Variants in NECAB1 observed in about 807,000 individuals in gnomAD.
NECAB1 encodes the protein N-terminal EF-hand calcium-binding protein 1.
In NECAB1, 29 loss-of-function variants were observed where a neutral mutation model predicts 57.5. That is an observed-to-expected ratio of 0.50 (90% confidence interval 0.38 to 0.69). The LOEUF is 0.69. Among genes scored for constraint, NECAB1 ranks in the 30% least tolerant of loss-of-function variants. NECAB1 has a pLI of 0.00. For missense variants in NECAB1, 372 were observed against 413.8 expected (o/e 0.90, Z 0.88); for synonymous variants, 142 against 147.7 (o/e 0.96, Z 0.28).
intron 5 of NECAB1, among the ~76,000 whole-genome samples, chr8:90,914,739 CTT>C (rs1480810300): frequency 4.6e-5 from 7 of 152,158 alleles, no homozygotes; most frequent in Admixed American, 1.3e-4. Flanking sequence ...AGTTGTCTGA[CTT>C]TAACTTTTCT....
intron 3 of NECAB1, among the ~76,000 whole-genome samples, chr8:90,837,300 C>G (rs1812384258): frequency 6.6e-6 from 1 of 152,156 alleles, no homozygotes; most frequent in Non-Finnish European, 1.5e-5. Context: ...GCTTAAAACT[C>G]CAGATAGAAC....
At chr8:90,863,864 G>C (rs1808456435) in intron 3 of NECAB1, among the ~76,000 whole-genome samples, 1 of 151,988 alleles carries the variant, frequency 6.6e-6, no homozygotes, top group Admixed American at 6.6e-5. Flanking sequence ...ATTCCATATT[G>C]TGCTAATGTT....
At chr8:90,880,025 A>G (rs941695974) in intron 4 of NECAB1, among the ~76,000 whole-genome samples, 4 of 152,216 alleles carry the variant, frequency 2.6e-5, no homozygotes, top group African/African-American at 9.6e-5. Context: ...ACACTAACTA[A>G]TATATCAGTC....
At chr8:90,837,407 A>G (rs1428314217) in intron 3 of NECAB1, among the ~76,000 whole-genome samples, 3 of 152,224 alleles carry the variant, frequency 2.0e-5, no homozygotes, top group Non-Finnish European at 4.4e-5. Context: ...GTTACCTTGG[A>G]CAAAGGGATG....
rs150381377 is a variant in NECAB1 at position 90,942,710 on chromosome 8, C to T, written c.860+1812C>T. Reference sequence around the variant, plus strand: ...CAGACTGACCAACGTGATGAGACCCCGTCTCTACTAAAAATACAAAAATTA... The same window carrying T: ...CAGACTGACCAACGTGATGAGACCCTGTCTCTACTAAAAATACAAAAATTA... On this transcript the variant is annotated intron_variant, in intron 10 of 12. Coordinates refer to ENST00000417640, the MANE Select transcript of NECAB1 (RefSeq NM_022351.5). Among the ~76,000 whole-genome samples the T allele has an allele frequency of 9.1e-3, 1,383 of 152,204 alleles. 21 individuals carry two copies. Among genetic ancestry groups the T allele is most frequent in the African/African-American group, 0.031 (1,293 of 41,524 alleles).
intron 5 of NECAB1, among the ~76,000 whole-genome samples, chr8:90,916,008 C>T (rs1809942676): frequency 6.6e-6 from 1 of 152,128 alleles, no homozygotes; most frequent in Non-Finnish European, 1.5e-5. Flanking sequence ...GTGGGTCTGC[C>T]CCTCCTAGTC....
intron 3 of NECAB1, among the ~76,000 whole-genome samples, chr8:90,849,020 C>T (rs566746436): frequency 2.0e-5 from 3 of 152,142 alleles, no homozygotes; most frequent in Non-Finnish European, 4.4e-5. Flanking sequence ...CACAAAAACC[C>T]ACCCCCAATG....
intron 3 of NECAB1, among the ~76,000 whole-genome samples, chr8:90,860,109 C>T (rs183489597): frequency 5.3e-5 from 8 of 152,174 alleles, no homozygotes; most frequent in Admixed American, 1.3e-4. Context: ...CTCAACTTTT[C>T]GTGCATGTTA....
At chr8:90,954,814 G>A (rs1810989878) in intron 12 of NECAB1, among the ~76,000 whole-genome samples, 1 of 147,950 alleles carries the variant, frequency 6.8e-6, no homozygotes, top group African/African-American at 2.5e-5. Context: ...GTATTTATAT[G>A]TATATTATAT....
At position 90,917,705 on chromosome 8, in the gene NECAB1, T is replaced by C; in HGVS notation, c.494+77T>C. On this transcript the variant is annotated intron_variant, in intron 6 of 12. Coordinates refer to ENST00000417640, the MANE Select transcript of NECAB1 (RefSeq NM_022351.5). ...AAAAACAATTGAGAGGCATTGTACTTACACTAGCAAAAACTAAAAAAGAGA... is the reference window on the plus strand; with the variant it reads ...AAAAACAATTGAGAGGCATTGTACTCACACTAGCAAAAACTAAAAAAGAGA... 9 of 1,383,334 alleles carry C rather than the reference T, an allele frequency of 6.5e-6. No homozygotes were observed. In the South Asian group the frequency reaches 1.6e-4, roughly 25 times the overall value. 85.7% of individuals were successfully genotyped at this position (1,383,334 alleles called of 1,614,324 possible). A position where few individuals can be genotyped will look rare whatever the true frequency, so the allele number is the denominator to read the frequency against.
chr8:90,924,320 A>G (rs1810205244), intron 6 of NECAB1, among the ~76,000 whole-genome samples: 1 of 152,188 alleles, frequency 6.6e-6, no homozygotes, highest in South Asian at 2.1e-4. Flanking sequence ...TTATGAAGCA[A>G]TTAGGGGATA....
chr8:90,958,881 G>A lies in NECAB1; in HGVS notation c.*3369G>A. The A allele has an allele frequency of 1.7e-6, 1 of 592,812 alleles. No homozygotes were observed. The highest frequency in any genetic ancestry group is 3.4e-5 in the East Asian group (1 of 29,076). The allele number at this position is 592,812 out of a possible 1,614,324, so 36.7% of individuals were successfully genotyped here. On this transcript the variant is annotated 3_prime_UTR_variant, in exon 13 of 13. Coordinates refer to ENST00000417640, the MANE Select transcript of NECAB1 (RefSeq NM_022351.5). ...TTAAAATAGCTCTTTCTCATTTTTA[G>A]AGAAGTCAAATAGCCAACCATCAAA...
intron 5 of NECAB1, among the ~76,000 whole-genome samples, chr8:90,884,563 T>C (rs919475385): frequency 1.3e-5 from 2 of 152,324 alleles, no homozygotes; most frequent in Middle Eastern, 3.4e-3. Flanking sequence ...ATATGTGGCA[T>C]AGTAAAATAC....
chr8:90,925,894 T>C (rs1810255056), intron 7 of NECAB1, among the ~76,000 whole-genome samples: 1 of 152,108 alleles, frequency 6.6e-6, no homozygotes, highest in African/African-American at 2.4e-5. Context: ...AGATGGTGAA[T>C]AGGGAAGGCA....
At chr8:90,926,281 AAC>A (rs530168917) in intron 7 of NECAB1, among the ~76,000 whole-genome samples, 87 of 152,342 alleles carry the variant, frequency 5.7e-4, no homozygotes, top group Non-Finnish European at 1.1e-3. Flanking sequence ...GTGTCATTTT[AAC>A]ACGAGTCTTT....
At chr8:90,795,599 T>C (rs776152016) in intron 1 of NECAB1, among the ~76,000 whole-genome samples, 1 of 152,198 alleles carries the variant, frequency 6.6e-6, no homozygotes, top group Non-Finnish European at 1.5e-5. Context: ...ATTTGTATGA[T>C]GTGTGAGATG....
intron 1 of NECAB1, among the ~76,000 whole-genome samples, chr8:90,798,491 T>G (rs934986457): frequency 6.6e-6 from 1 of 152,172 alleles, no homozygotes; most frequent in African/African-American, 2.4e-5. Flanking sequence ...GTTGCTGCCA[T>G]CTTTATGTTC....
chr8:90,860,199 C>T (rs1812874011), intron 3 of NECAB1, among the ~76,000 whole-genome samples: 1 of 151,118 alleles, frequency 6.6e-6, no homozygotes, highest in Non-Finnish European at 1.5e-5. Context: ...TCAGGAGGGT[C>T]ATGGCCCTGG....
chr8:90,884,732 C>T (rs769577668), intron 5 of NECAB1, among the ~76,000 whole-genome samples: 12 of 152,168 alleles, frequency 7.9e-5, no homozygotes, highest in Admixed American at 2.6e-4. Context: ...GTTTATTTGA[C>T]ATCTTCTTTT....
Sources: gnomAD v4.1 joint callset for allele counts (sites outside exome capture counted in the v4.1 genomes callset) on GRCh38, gnomAD v4.1.1 for gene constraint, MANE v1.5 for transcripts, NCBI Gene and HGNC (gene_info 2026-07-23, HGNC 2026-07-21) for gene names.